RBFOX1: variants seen among roughly 807,000 people sequenced by gnomAD.
RBFOX1 encodes the protein RNA binding fox-1 homolog 1.
Under a neutral mutation model 57.7 loss-of-function variants are expected in RBFOX1, and 8 were observed. The observed-to-expected ratio is 0.14, with a 90% CI of 0.08 to 0.25. RBFOX1 has a LOEUF of 0.25. Ranked by LOEUF, RBFOX1 falls within the 10% of genes least tolerant of loss-of-function variation. RBFOX1 has a pLI of 1.00. For synonymous variants in RBFOX1, 326 were observed against 222.4 expected (o/e 1.47, Z -4.15); for missense variants, 611 against 548.5 (o/e 1.11, Z -1.14).
chr16:7,605,719 C>T (rs892092524), intron 9 of RBFOX1, among the ~76,000 whole-genome samples: 2 of 152,214 alleles, frequency 1.3e-5, no homozygotes, highest in Non-Finnish European at 2.9e-5. Flanking sequence ...CCTTCCTTCA[C>T]ATTCAAACTT....
intron 14 of RBFOX1, among the ~76,000 whole-genome samples, chr16:7,680,644 C>T (rs1200568339): frequency 6.6e-6 from 1 of 152,068 alleles, no homozygotes; most frequent in Non-Finnish European, 1.5e-5. Context: ...CGGCACCAGG[C>T]CACACAGGTA....
intron 1 of RBFOX1, chr16:5,260,655 A>G (rs2062710754): frequency 6.6e-6 from 1 of 152,234 alleles, no homozygotes; most frequent in African/African-American, 2.4e-5. Context: ...AGTCACTGCA[A>G]ATAAAGTCAT....
intron 1 of RBFOX1, among the ~76,000 whole-genome samples, chr16:5,263,660 C>A (rs1157541070): frequency 6.6e-6 from 1 of 151,774 alleles, no homozygotes; most frequent in Non-Finnish European, 1.5e-5. Context: ...GGATGCTTCT[C>A]CTTATGAGAT....
At chr16:5,425,572 C>T (rs901271935) in intron 1 of RBFOX1, among the ~76,000 whole-genome samples, 3 of 152,206 alleles carry the variant, frequency 2.0e-5, no homozygotes, top group Non-Finnish European at 4.4e-5. Flanking sequence ...TGTGACTCCC[C>T]TCCTTTCTTG....
chr16:7,034,841 C>CTTTTTTT lies in RBFOX1; in HGVS notation c.-15-17210_-15-17209insTTTTTTT, dbSNP rs1255430430. ...ATATTGCATTACTTTTTTTTTTTTT[C>CTTTTTTT]TTTTTTCTTTTTTTTTTTTTTTTTT... is the stretch of plus-strand genomic sequence containing the variant. On this transcript the variant is annotated intron_variant, in intron 3 of 15. Transcript: ENST00000550418. 2.1e-3 allele frequency among the ~76,000 whole-genome samples: 84 copies of CTTTTTTT among 39,104 alleles called. 1 individual carries two copies. The highest frequency in any genetic ancestry group is 5.1e-3 in the African/African-American group (42 of 8,234). The allele number at this position is 39,104 out of a possible 152,430, so 25.7% of individuals were successfully genotyped here.
At position 6,543,305 on chromosome 16, in the gene RBFOX1, T is replaced by C. The variant is rs576442544; in HGVS notation, c.-63-111298T>C. Among the ~76,000 whole-genome samples the C allele has an allele frequency of 3.3e-5, 5 of 152,220 alleles. No homozygotes were observed. The East Asian group carries it at 9.7e-4, about 29-fold the overall frequency. On this transcript the variant is annotated intron_variant, in intron 2 of 15. Transcript: ENST00000550418. ...GGGAATTGGAACAGTTGCCCCTCCTTGAGACTCTTTACTGCTTGTGACTTG... is the reference window on the plus strand; with the variant it reads ...GGGAATTGGAACAGTTGCCCCTCCTCGAGACTCTTTACTGCTTGTGACTTG...
intron 4 of RBFOX1, among the ~76,000 whole-genome samples, chr16:7,258,150 G>C (rs1384687596): frequency 6.6e-6 from 1 of 152,086 alleles, no homozygotes; most frequent in Non-Finnish European, 1.5e-5. Flanking sequence ...ATAATTTCTT[G>C]ACTATTTTAT....
At chr16:7,351,016 C>T (rs1456164397) in intron 4 of RBFOX1, among the ~76,000 whole-genome samples, 1 of 152,242 alleles carries the variant, frequency 6.6e-6, no homozygotes, top group Non-Finnish European at 1.5e-5. Context: ...ATATGGTGTG[C>T]CATGTGCCCA....
intron 1 of RBFOX1, among the ~76,000 whole-genome samples, chr16:5,385,258 G>C (rs1032917114): frequency 1.3e-5 from 2 of 152,226 alleles, no homozygotes; most frequent in African/African-American, 4.8e-5. Flanking sequence ...ACTCAATCCA[G>C]ATGTGAAGCT....
chr16:7,258,729 G>T (rs951914380), intron 4 of RBFOX1, among the ~76,000 whole-genome samples: 1 of 152,108 alleles, frequency 6.6e-6, no homozygotes, highest in South Asian at 2.1e-4. Flanking sequence ...AATCTCATTT[G>T]TCTCCCCATT....
rs530731968 is a variant in RBFOX1 at position 7,040,743 on chromosome 16, G to T, written c.-15-11314G>T. The stretch of plus-strand genomic sequence containing the variant: ...TATAGGTTAAAAATGATTTTAACTT[G>T]CTTTTGTTTTATTTTGTCATAGACA... On this transcript the variant is annotated intron_variant, in intron 3 of 15. Coordinates refer to ENST00000550418, the MANE Select transcript of RBFOX1 (RefSeq NM_018723.4). Among the ~76,000 whole-genome samples the T allele has an allele frequency of 2.6e-5, 4 of 152,224 alleles. No individual in the cohort carries two copies. The East Asian group carries it at 7.7e-4, about 29-fold the overall frequency.
At chr16:7,261,981 A>T (rs1392100208) in intron 4 of RBFOX1, among the ~76,000 whole-genome samples, 2 of 152,090 alleles carry the variant, frequency 1.3e-5, no homozygotes, top group Admixed American at 1.3e-4. Flanking sequence ...AATCATCCTA[A>T]CTTTTTGTCT....
At chr16:5,362,393 G>T (rs973642839) in intron 1 of RBFOX1, among the ~76,000 whole-genome samples, 1 of 150,856 alleles carries the variant, frequency 6.6e-6, no homozygotes, top group Admixed American at 6.6e-5. Context: ...ACAGAGTTTC[G>T]CTCTTGTTGC....
chr16:6,795,181 T>A (rs1048890007), intron 3 of RBFOX1, among the ~76,000 whole-genome samples: 1 of 152,164 alleles, frequency 6.6e-6, no homozygotes, highest in Non-Finnish European at 1.5e-5. Context: ...ATAGTGCTAA[T>A]TCCAAGCTGG....
chr16:5,450,026 G>C (rs770488414), intron 1 of RBFOX1, among the ~76,000 whole-genome samples: 1 of 152,184 alleles, frequency 6.6e-6, no homozygotes, highest in Non-Finnish European at 1.5e-5. Flanking sequence ...AGATCTATTT[G>C]CAAGGTACTG....
chr16:7,248,587 C>T (rs138195767), intron 4 of RBFOX1, among the ~76,000 whole-genome samples: 29 of 152,258 alleles, frequency 1.9e-4, no homozygotes, highest in African/African-American at 6.3e-4. Flanking sequence ...CCTTCCAGAA[C>T]TAGGCATTTC....
chr16:6,077,688 A>ATTTATTTATTTG (rs2095927371), intron 1 of RBFOX1, among the ~76,000 whole-genome samples: 1 of 138,674 alleles, frequency 7.2e-6, no homozygotes, highest in African/African-American at 2.7e-5. Flanking sequence ...TTTTATTTTT[A>ATTTATTTATTTG]CTTATTTATT....
At chr16:6,254,112 C>G (rs12928387) in intron 1 of RBFOX1, among the ~76,000 whole-genome samples, 89,645 of 151,860 alleles carry the variant, frequency 0.59, 29,026 homozygotes, top group East Asian at 0.81. Context: ...AGGTTGCCTT[C>G]CTTGATGGAG....
At chr16:5,562,076 C>G (rs1302427356) in intron 2 of RBFOX1, among the ~76,000 whole-genome samples, 4 of 152,214 alleles carry the variant, frequency 2.6e-5, no homozygotes, top group African/African-American at 9.6e-5. Context: ...GCTTTGAAAT[C>G]TCGGCACTCA....
Sources: gnomAD v4.1 joint callset for allele counts (sites outside exome capture counted in the v4.1 genomes callset) on GRCh38, gnomAD v4.1.1 for gene constraint, MANE v1.5 for transcripts, NCBI Gene and HGNC (gene_info 2026-07-23, HGNC 2026-07-21) for gene names.